MACROD2: variants seen among roughly 807,000 people sequenced by gnomAD.
MACROD2 encodes the protein ADP-ribose glycohydrolase MACROD2.
MACROD2 carries 36 observed loss-of-function variants against 70.4 expected under a neutral mutation model. The observed-to-expected ratio is 0.51, with a 90% CI of 0.39 to 0.68. MACROD2 has a LOEUF of 0.68. Ranked by LOEUF, MACROD2 falls within the 30% of genes least tolerant of loss-of-function variation. The pLI is 0.00. For synonymous variants in MACROD2, 172 were observed against 178.8 expected (o/e 0.96, Z 0.30); for missense variants, 496 against 538.4 (o/e 0.92, Z 0.78).
chr20:14,560,995 T>A (rs549438612), intron 4 of MACROD2, among the ~76,000 whole-genome samples: 2 of 151,874 alleles, frequency 1.3e-5, no homozygotes, highest in African/African-American at 2.4e-5. Context: ...GACAGGAGCT[T>A]TAACAGATGG....
At chr20:15,328,143 C>T (rs1196248355) in intron 6 of MACROD2, among the ~76,000 whole-genome samples, 1 of 151,864 alleles carries the variant, frequency 6.6e-6, no homozygotes, top group Non-Finnish European at 1.5e-5. Context: ...TAGGACAGGC[C>T]TCATTAGGAA....
At chr20:14,850,383 C>T (rs756294600) in intron 5 of MACROD2, 1 of 155,290 alleles carries the variant, frequency 6.4e-6, no homozygotes, top group Non-Finnish European at 1.4e-5. Flanking sequence ...TTTACCCATT[C>T]TCTCTCAGGG....
At chr20:15,447,586 G>A (rs554184360) in intron 7 of MACROD2, among the ~76,000 whole-genome samples, 2 of 152,216 alleles carry the variant, frequency 1.3e-5, no homozygotes, top group East Asian at 3.9e-4. Flanking sequence ...CCTACCCTAG[G>A]CCTGCCATAA....
chr20:15,255,707 C>A (rs60993304), intron 6 of MACROD2, among the ~76,000 whole-genome samples: 1 of 151,930 alleles, frequency 6.6e-6, no homozygotes. Flanking sequence ...TACAAGAGCA[C>A]GTATTTCTTT....
intron 5 of MACROD2, among the ~76,000 whole-genome samples, chr20:15,080,642 G>A (rs901589474): frequency 2.0e-5 from 3 of 152,118 alleles, no homozygotes; most frequent in Non-Finnish European, 2.9e-5. Context: ...TATTTGCTGA[G>A]GAATTCAGCT....
At chr20:15,985,561 T>A (rs1448258275) in intron 13 of MACROD2, among the ~76,000 whole-genome samples, 1 of 152,214 alleles carries the variant, frequency 6.6e-6, no homozygotes, top group Non-Finnish European at 1.5e-5. Flanking sequence ...AGCCACTGTG[T>A]TAATCCTCCA....
intron 8 of MACROD2, among the ~76,000 whole-genome samples, chr20:15,648,346 C>T (rs1177022198): frequency 2.6e-5 from 4 of 152,132 alleles, no homozygotes; most frequent in Non-Finnish European, 5.9e-5. Context: ...TGAATAAGTC[C>T]AATACAGGAC....
At chr20:14,139,246 C>A (rs1043285345) in intron 3 of MACROD2, among the ~76,000 whole-genome samples, 5 of 152,204 alleles carry the variant, frequency 3.3e-5, no homozygotes, top group African/African-American at 1.2e-4. Flanking sequence ...GCCTCAGCCT[C>A]CCATAACTGC....
At chr20:15,496,906 A>G (rs1385961767) in intron 7 of MACROD2, among the ~76,000 whole-genome samples, 5 of 152,104 alleles carry the variant, frequency 3.3e-5, no homozygotes, top group Admixed American at 3.3e-4. Flanking sequence ...TGGAGAAGGG[A>G]AGGAAGACCA....
At chr20:15,691,059 T>G (rs1265067077) in intron 8 of MACROD2, among the ~76,000 whole-genome samples, 1 of 152,082 alleles carries the variant, frequency 6.6e-6, no homozygotes, top group Non-Finnish European at 1.5e-5. Context: ...AAGTAGTGAG[T>G]GGGATTGACA....
intron 5 of MACROD2, among the ~76,000 whole-genome samples, chr20:14,896,724 T>C (rs567886711): frequency 6.6e-6 from 1 of 152,194 alleles, no homozygotes; most frequent in South Asian, 2.1e-4. Flanking sequence ...CATTTGGTGC[T>C]TCCTGTGAAT....
intron 8 of MACROD2, among the ~76,000 whole-genome samples, chr20:15,684,325 T>C (rs1394580852): frequency 6.6e-6 from 1 of 152,136 alleles, no homozygotes; most frequent in Non-Finnish European, 1.5e-5. Flanking sequence ...AGTCAATAGA[T>C]AGGAAAGACA....
rs71340213 is a variant in MACROD2 at position 15,288,867 on chromosome 20, G to GTCTGTCTATCTA, written c.540+58809_540+58810insGTCTATCTATCT. Among the ~76,000 whole-genome samples, 932 of 146,950 alleles carry GTCTGTCTATCTA rather than the reference G, an allele frequency of 6.3e-3. 6 individuals carry two copies. Among genetic ancestry groups the GTCTGTCTATCTA allele is most frequent in the African/African-American group, 0.013 (525 of 39,632 alleles). ...TGTCTCTCTATATGTCTGTCTGTCT[G>GTCTGTCTATCTA]TCTATCTATCTATCTATCTATCTAT... On this transcript the variant is annotated intron_variant, in intron 6 of 17. Transcript: ENST00000684519.
At chr20:14,020,973 T>A (rs932871790) in intron 2 of MACROD2, among the ~76,000 whole-genome samples, 3 of 150,932 alleles carry the variant, frequency 2.0e-5, no homozygotes, top group African/African-American at 7.3e-5. Context: ...TATACACAAC[T>A]GCTTTTGAAT....
At chr20:14,410,365 T>A (rs894236816) in intron 3 of MACROD2, among the ~76,000 whole-genome samples, 27 of 152,056 alleles carry the variant, frequency 1.8e-4, no homozygotes, top group African/African-American at 6.0e-4. Context: ...AGTTAGTTTT[T>A]AAATCCTCAC....
chr20:15,114,671 A>G (rs1036325483), intron 5 of MACROD2, among the ~76,000 whole-genome samples: 2 of 152,230 alleles, frequency 1.3e-5, no homozygotes, highest in Non-Finnish European at 2.9e-5. Flanking sequence ...TATTTTTCTA[A>G]GTTTCTATAT....
intron 12 of MACROD2, among the ~76,000 whole-genome samples, chr20:15,950,824 C>T (rs2065893376): frequency 6.6e-6 from 1 of 152,136 alleles, no homozygotes; most frequent in Non-Finnish European, 1.5e-5. Flanking sequence ...TAATACAGAA[C>T]TCAGAGCCTT....
intron 3 of MACROD2, among the ~76,000 whole-genome samples, chr20:14,394,629 C>G (rs537610229): frequency 6.6e-6 from 1 of 152,166 alleles, no homozygotes; most frequent in African/African-American, 2.4e-5. Context: ...CCATACAATG[C>G]TGAATAGCAG....
intron 3 of MACROD2, among the ~76,000 whole-genome samples, chr20:14,211,731 C>T (rs1436064225): frequency 6.6e-6 from 1 of 152,150 alleles, no homozygotes; most frequent in Non-Finnish European, 1.5e-5. Context: ...TGAGTGGTCA[C>T]CGTAGTGTGT....
Sources: allele counts gnomAD v4.1 joint callset (sites outside exome capture counted in the v4.1 genomes callset), GRCh38; gene constraint gnomAD v4.1.1; transcripts MANE v1.5; gene names NCBI Gene and HGNC (gene_info 2026-07-23, HGNC 2026-07-21).